Variants in FRMPD1 observed in about 807,000 individuals in gnomAD.
FRMPD1 encodes the protein FERM and PDZ domain containing 1.
In FRMPD1, 76 loss-of-function variants were observed where a neutral mutation model predicts 117.8. That is an observed-to-expected ratio of 0.65 (90% CI 0.54 to 0.78). The LOEUF is 0.78. FRMPD1 is among the 30% of genes least tolerant of loss of function. The pLI is 0.00. For missense variants in FRMPD1, 1,786 were observed against 1,964.5 expected (o/e 0.91, Z 1.72); for synonymous variants, 783 against 770.4 (o/e 1.02, Z -0.27).
intron 1 of FRMPD1, among the ~76,000 whole-genome samples, chr9:37,670,942 G>A (rs1407073666): frequency 6.6e-6 from 1 of 152,196 alleles, no homozygotes. Context: ...GAATGCAGCT[G>A]TAACGTTATA....
chr9:37,605,405 T>G, the FRMPD1 span, among the ~76,000 whole-genome samples: 8 of 152,180 alleles, frequency 5.3e-5, no homozygotes, highest in Non-Finnish European at 1.0e-4. Context: ...AGGAAAAGCA[T>G]GGGCACTCAA....
rs539244815 is a variant in FRMPD1, at chr9:37,673,198, T to A, written c.-4-19440T>A. ...CTAGATACAATGGGGGTACATGTAT[T>A]GGGTAAACACAGCCATTCCAAATGG... On this transcript the variant is annotated intron_variant, in intron 1 of 15. Transcript: ENST00000377765. 2.6e-5 allele frequency among the ~76,000 whole-genome samples: 4 copies of A among 152,300 alleles called. No individual in the cohort carries two copies. The East Asian group carries it at 7.7e-4, about 29-fold the overall frequency.
At chr9:37,662,356 A>G (rs1886908) in intron 1 of FRMPD1, among the ~76,000 whole-genome samples, 35,222 of 152,170 alleles carry the variant, frequency 0.23, 4,204 homozygotes, top group Middle Eastern at 0.28. Flanking sequence ...GTTTTAGCAC[A>G]TGAACTTTGG....
chr9:37,713,583 G>A (rs1250326446), intron 5 of FRMPD1, among the ~76,000 whole-genome samples: 4 of 148,816 alleles, frequency 2.7e-5, no homozygotes, highest in Non-Finnish European at 4.5e-5. Context: ...AGGTGAGACC[G>A]TATATATATA....
chr9:37,698,874 G>A (rs7874199), intron 2 of FRMPD1, among the ~76,000 whole-genome samples: 47,623 of 151,900 alleles, frequency 0.31, 8,142 homozygotes, highest in East Asian at 0.74. Flanking sequence ...GAGTAGCTGG[G>A]GTTGCAGGCA....
At chr9:37,645,113 AAGAG>A in the FRMPD1 span, among the ~76,000 whole-genome samples, 5 of 147,828 alleles carry the variant, frequency 3.4e-5, no homozygotes, top group South Asian at 2.1e-4. Flanking sequence ...AAAAAAAAAA[AAGAG>A]AGAGAGAGAA....
intron 1 of FRMPD1, among the ~76,000 whole-genome samples, chr9:37,676,094 C>T (rs1027998047): frequency 2.0e-5 from 3 of 152,342 alleles, no homozygotes; most frequent in African/African-American, 7.2e-5. Context: ...CGCCTGTCTG[C>T]GCTCCGCATC....
chr9:37,741,034 A>G (rs1167407877), intron 15 of FRMPD1, 150 bp downstream of exon 15: 7 of 645,432 alleles, frequency 1.1e-5, no homozygotes, highest in Non-Finnish European at 2.7e-6. Context: ...GATTCCATGG[A>G]CCAAATTTTA....
In FRMPD1 at chr9:37,740,985, G is replaced by GA; in HGVS notation, c.2356+104dup. ...AAGCTTGAGAGGAAGGCACATGAGTGAAACAGGGTCCCTGTACACTTCTGA... is the reference window on the plus strand; with the variant it reads ...AAGCTTGAGAGGAAGGCACATGAGTGAAAACAGGGTCCCTGTACACTTCTGA... On this transcript the variant is annotated intron_variant, in intron 15 of 15. Transcript: ENST00000377765. The surrounding 1 kb of genome is among the most constrained non-coding windows in gnomAD (Gnocchi z 4.2). 1 of 873,366 alleles carries GA rather than the reference G, an allele frequency of 1.1e-6. No homozygotes were observed. The highest frequency in any genetic ancestry group is 1.9e-6 in the Non-Finnish European group (1 of 526,948). 54.1% of individuals were successfully genotyped at this position (873,366 alleles called of 1,614,324 possible).
Position 37,733,707 on chromosome 9 carries a change from A to G in FRMPD1, c.1123-23A>G, listed in dbSNP as rs372000128. On this transcript the variant is annotated intron_variant, in intron 11 of 15. Transcript: ENST00000377765. ...AGACCAATGAATAACTCTGACTTCA[A>G]GTGTTTTTTTTTCTCTATTAAGCAA... is the stretch of plus-strand genomic sequence containing the variant. 496 of 1,582,036 alleles carry G rather than the reference A, an allele frequency of 3.1e-4. 1 individual carries two copies. Among genetic ancestry groups the G allele is most frequent in the Non-Finnish European group, 4.2e-4 (481 of 1,151,300 alleles).
intron 1 of FRMPD1, among the ~76,000 whole-genome samples, chr9:37,655,541 T>C (rs1820816161): frequency 7.0e-6 from 1 of 143,566 alleles, no homozygotes. Context: ...TCTTGCTCTG[T>C]TGCCCAGGCT....
the FRMPD1 span, among the ~76,000 whole-genome samples, chr9:37,615,866 G>A: frequency 1.3e-5 from 2 of 151,850 alleles, no homozygotes; most frequent in East Asian, 1.9e-4. Flanking sequence ...AGGCTGGAGT[G>A]TAATGGCATG....
At chr9:37,624,875 C>T in the FRMPD1 span, among the ~76,000 whole-genome samples, 1 of 152,176 alleles carries the variant, frequency 6.6e-6, no homozygotes, top group Non-Finnish European at 1.5e-5. Flanking sequence ...GAATTCTGAA[C>T]ACATACACCC....
the FRMPD1 span, among the ~76,000 whole-genome samples, chr9:37,645,951 T>C: frequency 6.6e-6 from 1 of 152,196 alleles, no homozygotes; most frequent in Non-Finnish European, 1.5e-5. Flanking sequence ...TGCCTCTTCT[T>C]ATAGAGGAGT....
intron 1 of FRMPD1, among the ~76,000 whole-genome samples, chr9:37,686,202 T>A (rs1274203847): frequency 6.6e-6 from 1 of 152,206 alleles, no homozygotes; most frequent in Non-Finnish European, 1.5e-5. Flanking sequence ...CAAAGGAGAC[T>A]GAAAGGCTGA....
Position 37,724,281 on chromosome 9 carries a change from G to A in FRMPD1, c.573G>A (p.Gln191=), listed in dbSNP as rs1430909205. 1.2e-6 allele frequency: 2 copies of A among 1,603,958 alleles called. No homozygotes were observed. Among genetic ancestry groups the A allele is most frequent in the Middle Eastern group, 3.3e-4 (2 of 6,050 alleles). The change falls in exon 7 of 16, where the codon CAG becomes CAA. Residue 191 remains glutamine (Q), a synonymous_variant. Coordinates refer to ENST00000377765, the MANE Select transcript of FRMPD1 (RefSeq NM_014907.3). ...NVLKLYLENG[Q]TKAFKFEANT... ...TCAAGCTATACTTGGAGAATGGACAGACCAAAGCTTTCAAGTTTGAGGCAA... is the reference window on the plus strand; with the variant it reads ...TCAAGCTATACTTGGAGAATGGACAAACCAAAGCTTTCAAGTTTGAGGCAA...
At position 37,705,242 on chromosome 9, in the gene FRMPD1, C is replaced by G. The variant is rs565169212; in HGVS notation, c.102-2174C>G. On this transcript the variant is annotated intron_variant, in intron 2 of 15. Coordinates refer to ENST00000377765, the MANE Select transcript of FRMPD1 (RefSeq NM_014907.3). ...AATAATAAGGTGGTACTTTTCCATT[C>G]CTGTGCTCATTATTCCTCTTGTCAT... 7.2e-5 allele frequency among the ~76,000 whole-genome samples: 11 copies of G among 152,222 alleles called. No homozygotes were observed. The South Asian group carries it at 2.1e-3, about 29-fold the overall frequency.
rs756529606 is a variant in FRMPD1 at position 37,735,648 on chromosome 9, G to A, written c.1315G>A (p.Ala439Thr). 9 of 1,613,852 alleles carry A rather than the reference G, an allele frequency of 5.6e-6. 1 individual carries two copies. The South Asian group carries it at 9.9e-5, about 18-fold the overall frequency. The change falls in exon 13 of 16, where the codon GCA becomes ACA. Residue 439 changes from alanine to threonine, a missense_variant. Ala to Thr is a moderately conservative substitution (Grantham distance 58). Transcript: ENST00000377765. Reference sequence around the variant, plus strand: ...CAAACTCAACATCATGTCCACATTGGCAGAGTTTGCAAACATCAGCCGTGT... The same window carrying A: ...CAAACTCAACATCATGTCCACATTGACAGAGTTTGCAAACATCAGCCGTGT... The part of the protein sequence containing the change: ...NSKLNIMSTL[A>T]EFANISRVEL...
chr9:37,648,999 G>C (rs1394847958), upstream of FRMPD1, among the ~76,000 whole-genome samples: 1 of 152,108 alleles, frequency 6.6e-6, no homozygotes, highest in Non-Finnish European at 1.5e-5. Context: ...GGGGCAAGAG[G>C]GACCAGAATG....
Sources: gnomAD v4.1 joint callset for allele counts (sites outside exome capture counted in the v4.1 genomes callset) on GRCh38, gnomAD v4.1.1 for gene constraint, Gnocchi (gnomAD v3.1) non-coding constraint, MANE v1.5 for transcripts, NCBI Gene and HGNC (gene_info 2026-07-23, HGNC 2026-07-21) for gene names.